Variants in FHIT observed in about 807,000 individuals in gnomAD.
FHIT encodes fragile histidine triad diadenosine triphosphatase.
In FHIT, 19 loss-of-function variants were observed where a neutral mutation model predicts 17.9. The ratio of observed to expected loss-of-function variants is 1.06; its 90% CI spans 0.74 to 1.56. FHIT has a LOEUF of 1.56. FHIT is among the 40% of genes most tolerant of loss of function. The pLI, the probability that FHIT is intolerant of heterozygous loss-of-function variation, is 0.00. For synonymous variants in FHIT, 81 were observed against 69.7 expected (o/e 1.16, Z -0.81); for missense variants, 248 against 189.2 (o/e 1.31, Z -1.82).
intron 4 of FHIT, among the ~76,000 whole-genome samples, chr3:60,714,378 C>T (rs371195000): frequency 7.9e-4 from 120 of 152,162 alleles, no homozygotes; most frequent in Middle Eastern, 6.8e-3. Context: ...TGGCACAAGA[C>T]AGGGATGCCC....
At chr3:59,806,672 GTGTATATATATGTA>G (rs1559623043) in intron 8 of FHIT, among the ~76,000 whole-genome samples, 86 of 14,002 alleles carry the variant, frequency 6.1e-3, no homozygotes, top group East Asian at 0.013. Flanking sequence ...ACATATATAT[GTGTATATATATGTA>G]TATACATATG....
intron 3 of FHIT, among the ~76,000 whole-genome samples, chr3:60,854,667 G>T (rs1207439743): frequency 6.6e-6 from 1 of 152,040 alleles, no homozygotes; most frequent in East Asian, 1.9e-4. Flanking sequence ...AGAAGAGGGG[G>T]AAAGGCAAAG....
At chr3:60,272,078 C>T (rs930734919) in intron 5 of FHIT, among the ~76,000 whole-genome samples, 7 of 152,302 alleles carry the variant, frequency 4.6e-5, no homozygotes, top group South Asian at 2.1e-4. Flanking sequence ...CTCTACACCA[C>T]GCTGCAGTAC....
intron 7 of FHIT, among the ~76,000 whole-genome samples, chr3:59,992,419 C>G (rs574183391): frequency 6.6e-6 from 1 of 152,086 alleles, no homozygotes; most frequent in South Asian, 2.1e-4. Flanking sequence ...TAGGATATTT[C>G]AATTGGACCG....
At chr3:60,539,481 G>C (rs1217621150) in intron 4 of FHIT, among the ~76,000 whole-genome samples, 3 of 152,176 alleles carry the variant, frequency 2.0e-5, no homozygotes, top group African/African-American at 7.2e-5. Flanking sequence ...CTGCTATAAA[G>C]ACACATGCAC....
intron 3 of FHIT, among the ~76,000 whole-genome samples, chr3:60,848,402 G>A (rs1553747265): frequency 1.3e-5 from 2 of 152,058 alleles, no homozygotes; most frequent in Non-Finnish European, 2.9e-5. Flanking sequence ...CATGGCTCCA[G>A]GTCTCAGATC....
chr3:60,870,407 C>G (rs1031170409), intron 3 of FHIT, among the ~76,000 whole-genome samples: 10 of 152,058 alleles, frequency 6.6e-5, no homozygotes, highest in African/African-American at 2.2e-4. Flanking sequence ...TAAGCTCTGT[C>G]TAGGGAAAGG....
chr3:60,287,747 G>T (rs1707794327), intron 5 of FHIT, among the ~76,000 whole-genome samples: 1 of 152,114 alleles, frequency 6.6e-6, no homozygotes, highest in African/African-American at 2.4e-5. Context: ...AAAAGGAAAA[G>T]AAAGGATTCA....
In FHIT at chr3:60,751,762, G is replaced by A. The variant is rs782103999; in HGVS notation, c.-18+70157C>T. ...TATTTTATGAAAAAAAAATTCATTC[G>A]TAGGATTATATCCAAAGGAAACAAC... On this transcript the variant is annotated intron_variant, in intron 4 of 9. Coordinates refer to ENST00000492590, the MANE Select transcript of FHIT (RefSeq NM_002012.4). 4.6e-5 allele frequency among the ~76,000 whole-genome samples: 7 copies of A among 151,932 alleles called. No homozygotes were observed. The East Asian group carries it at 5.8e-4, about 13-fold the overall frequency.
At chr3:60,355,176 C>A (rs887175700) in intron 5 of FHIT, among the ~76,000 whole-genome samples, 1 of 152,134 alleles carries the variant, frequency 6.6e-6, no homozygotes, top group African/African-American at 2.4e-5. Context: ...GTTGTAACCT[C>A]CACTCGTCAT....
chr3:60,042,896 A>C (rs531928667), intron 5 of FHIT, among the ~76,000 whole-genome samples: 20 of 152,326 alleles, frequency 1.3e-4, no homozygotes, highest in Middle Eastern at 6.8e-3. Flanking sequence ...TATTTCAAAG[A>C]GGAAAGGTAC....
At chr3:60,677,909 C>T (rs776797432) in intron 4 of FHIT, among the ~76,000 whole-genome samples, 1 of 152,146 alleles carries the variant, frequency 6.6e-6, no homozygotes, top group South Asian at 2.1e-4. Flanking sequence ...CATATGTTTA[C>T]AAGAATTTGT....
intron 1 of FHIT, among the ~76,000 whole-genome samples, chr3:61,221,865 G>A (rs1322026608): frequency 1.3e-5 from 2 of 152,330 alleles, no homozygotes; most frequent in Middle Eastern, 3.4e-3. Flanking sequence ...GGGGTCCAAC[G>A]TCCAACCAGA....
chr3:60,464,085 A>C (rs1381762063), intron 5 of FHIT, among the ~76,000 whole-genome samples: 1 of 152,162 alleles, frequency 6.6e-6, no homozygotes, highest in Non-Finnish European at 1.5e-5. Flanking sequence ...AAAAAACAGA[A>C]GTAAACAAGT....
intron 4 of FHIT, among the ~76,000 whole-genome samples, chr3:60,674,165 G>A (rs1553694705): frequency 6.6e-6 from 1 of 151,874 alleles, no homozygotes; most frequent in African/African-American, 2.4e-5. Flanking sequence ...GATCTTTTCT[G>A]TAGTTTCTAA....
intron 5 of FHIT, among the ~76,000 whole-genome samples, chr3:60,345,204 G>A (rs750970835): frequency 5.3e-5 from 8 of 152,116 alleles, no homozygotes; most frequent in Non-Finnish European, 7.3e-5. Context: ...CATCCAGTAC[G>A]TGTCCATGAC....
rs1034074757 is a variant in FHIT, at chr3:60,269,916, A to G, written c.104-255764T>C. ...TGGGTGAACATTTGCTGACCTTGTA[A>G]TTAGTTATAAACTCATGGGTTGGTT... On this transcript the variant is annotated intron_variant, in intron 5 of 9. Transcript: ENST00000492590. 2.0e-5 allele frequency among the ~76,000 whole-genome samples: 3 copies of G among 152,320 alleles called. No homozygotes were observed. The South Asian group carries it at 6.2e-4, about 32-fold the overall frequency.
intron 2 of FHIT, among the ~76,000 whole-genome samples, chr3:61,135,091 G>A (rs2036873826): frequency 6.6e-6 from 1 of 152,184 alleles, no homozygotes; most frequent in African/African-American, 2.4e-5. Flanking sequence ...ATTTCACAGA[G>A]GGACTGTGAA....
intron 8 of FHIT, among the ~76,000 whole-genome samples, chr3:59,845,183 T>C (rs895063705): frequency 6.6e-6 from 1 of 152,116 alleles, no homozygotes; most frequent in African/African-American, 2.4e-5. Context: ...GTTTTTTTTC[T>C]TAGTCTAGCT....
Sources: gnomAD v4.1 joint callset for allele counts (sites outside exome capture counted in the v4.1 genomes callset) on GRCh38, gnomAD v4.1.1 for gene constraint, MANE v1.5 for transcripts, NCBI Gene and HGNC (gene_info 2026-07-23, HGNC 2026-07-21) for gene names.